SUGCT: variants seen among roughly 807,000 people sequenced by gnomAD.
The protein encoded by SUGCT is succinyl-CoA:glutarate CoA-transferase.
A neutral mutation model predicts 55.0 loss-of-function variants in SUGCT; 41 were observed. That is an observed-to-expected ratio of 0.74 (90% CI 0.58 to 0.97). The LOEUF (loss-of-function observed/expected upper bound fraction) is 0.97. SUGCT is among the 50% of genes least tolerant of loss of function. The probability of loss-of-function intolerance (pLI) is 0.00; values close to 1 mark genes in which losing one functional copy is unlikely to be tolerated. For synonymous variants in SUGCT, 187 were observed against 200.4 expected, an observed-to-expected ratio of 0.93 and a Z score of 0.56; for missense variants, 568 against 547.8, an observed-to-expected ratio of 1.04 and a Z score of -0.37.
At chr7:40,344,683 T>C (rs1479075697) in intron 9 of SUGCT, among the ~76,000 whole-genome samples, 2 of 152,190 alleles carry the variant, frequency 1.3e-5, no homozygotes, top group Non-Finnish European at 2.9e-5. Flanking sequence ...TGCTGACCCA[T>C]GCTTTAGAGT....
chr7:40,216,898 C>G (rs1387623353), intron 6 of SUGCT, among the ~76,000 whole-genome samples: 1 of 151,814 alleles, frequency 6.6e-6, no homozygotes, highest in Non-Finnish European at 1.5e-5. Flanking sequence ...TTAATACCCT[C>G]TCCATATAAG....
At chr7:40,287,704 G>T (rs1168477969) in intron 8 of SUGCT, among the ~76,000 whole-genome samples, 1 of 151,934 alleles carries the variant, frequency 6.6e-6, no homozygotes, top group East Asian at 1.9e-4. Context: ...TCAGTATGTT[G>T]CCCATGCTGG....
intron 9 of SUGCT, 75 bp from the exon 10 acceptor site, chr7:40,449,212 G>T: frequency 1.1e-6 from 1 of 936,226 alleles, no homozygotes; most frequent in Non-Finnish European, 1.7e-6. Context: ...TTTCTATATA[G>T]ATATTTTAGA....
the SUGCT span, among the ~76,000 whole-genome samples, chr7:40,955,204 A>C: frequency 3.6e-4 from 55 of 152,194 alleles, no homozygotes; most frequent in African/African-American, 1.3e-3. Context: ...TGGGAAAAGC[A>C]TTGCATCTAT....
chr7:40,952,920 A>G, the SUGCT span, among the ~76,000 whole-genome samples: 1 of 152,050 alleles, frequency 6.6e-6, no homozygotes, highest in Non-Finnish European at 1.5e-5. Flanking sequence ...TGAATCTGAC[A>G]ATTAGGTGTC....
At chr7:40,193,343 C>G (rs1367821563) in intron 5 of SUGCT, among the ~76,000 whole-genome samples, 2 of 131,858 alleles carry the variant, frequency 1.5e-5, no homozygotes, top group Non-Finnish European at 3.1e-5. Flanking sequence ...TGGAGTGCAG[C>G]AGCACGATCT....
At chr7:40,251,081 G>A (rs975294472) in intron 7 of SUGCT, among the ~76,000 whole-genome samples, 13 of 151,808 alleles carry the variant, frequency 8.6e-5, no homozygotes, top group African/African-American at 3.1e-4. Context: ...CATCCACCCC[G>A]GCCTCCCAAA....
At chr7:40,302,773 A>G (rs559976628) in intron 8 of SUGCT, among the ~76,000 whole-genome samples, 1 of 152,270 alleles carries the variant, frequency 6.6e-6, no homozygotes, top group East Asian at 1.9e-4. Context: ...GTGACGTTGC[A>G]TTGTACAGGA....
At chr7:40,854,411 CTTTCTTTCCTTTCTTTCTTT>C (rs1563050539) in intron 13 of SUGCT, among the ~76,000 whole-genome samples, 5 of 70,274 alleles carry the variant, frequency 7.1e-5, no homozygotes, top group African/African-American at 2.4e-4. Flanking sequence ...TTCTTTCTTT[CTTTCTTTCCTTTCTTTCTTT>C]CTTTCTTTCT....
At chr7:40,601,074 GA>G (rs1433479568) in intron 12 of SUGCT, among the ~76,000 whole-genome samples, 1 of 152,150 alleles carries the variant, frequency 6.6e-6, no homozygotes, top group Non-Finnish European at 1.5e-5. Flanking sequence ...ATATTTATAT[GA>G]AGTTCAAAAC....
At chr7:40,212,084 G>A (rs923033116) in intron 6 of SUGCT, among the ~76,000 whole-genome samples, 8 of 151,914 alleles carry the variant, frequency 5.3e-5, no homozygotes, top group Admixed American at 5.3e-4. Flanking sequence ...GTGCCAGAGA[G>A]TAATTCTGTT....
At chr7:40,676,505 T>C (rs1463556204) in intron 12 of SUGCT, among the ~76,000 whole-genome samples, 1 of 76,006 alleles carries the variant, frequency 1.3e-5, no homozygotes, top group Admixed American at 1.1e-4. Flanking sequence ...TTGTTTTTTG[T>C]TTTTTTTTTT....
At chr7:40,521,747 TGTA>T (rs1484858070) in intron 12 of SUGCT, among the ~76,000 whole-genome samples, 1 of 152,096 alleles carries the variant, frequency 6.6e-6, no homozygotes, top group Non-Finnish European at 1.5e-5. Context: ...TGGGGAATAA[TGTA>T]GTATAGGGAT....
chr7:40,906,966 A>C, the SUGCT span, among the ~76,000 whole-genome samples: 27 of 152,242 alleles, frequency 1.8e-4, no homozygotes, highest in South Asian at 5.6e-3. Flanking sequence ...CCAGAGACTC[A>C]AGGAGGTGCT....
At chr7:40,897,769 AG>A in the SUGCT span, among the ~76,000 whole-genome samples, 15 of 152,308 alleles carry the variant, frequency 9.8e-5, no homozygotes, top group African/African-American at 3.1e-4. Flanking sequence ...GTCTAGCTAA[AG>A]GATTGTAAAC....
At chr7:40,311,734 C>T (rs1795167097) in intron 8 of SUGCT, among the ~76,000 whole-genome samples, 1 of 152,150 alleles carries the variant, frequency 6.6e-6, no homozygotes, top group Non-Finnish European at 1.5e-5. Context: ...GAAGGCAAGA[C>T]TATATCTTTT....
intron 8 of SUGCT, among the ~76,000 whole-genome samples, chr7:40,280,231 T>G (rs1229625925): frequency 6.6e-6 from 1 of 152,224 alleles, no homozygotes; most frequent in East Asian, 1.9e-4. Context: ...TTTATAGTTT[T>G]AAGGCTATAA....
intron 12 of SUGCT, among the ~76,000 whole-genome samples, chr7:40,498,657 T>G (rs1792116262): frequency 6.6e-6 from 1 of 152,194 alleles, no homozygotes; most frequent in African/African-American, 2.4e-5. Flanking sequence ...TTAGTTTCCT[T>G]AAGTGTAAAA....
At chr7:40,495,246 G>A (rs1204692619) in intron 11 of SUGCT, among the ~76,000 whole-genome samples, 1 of 145,514 alleles carries the variant, frequency 6.9e-6, no homozygotes, top group Non-Finnish European at 1.5e-5. Flanking sequence ...TTTTTTTAAT[G>A]GTGAAAGAAG....
Sources: allele counts gnomAD v4.1 joint callset (sites outside exome capture counted in the v4.1 genomes callset), GRCh38; gene constraint gnomAD v4.1.1; transcripts MANE v1.5; gene names NCBI Gene and HGNC (gene_info 2026-07-23, HGNC 2026-07-21).